Variants in KAZN observed in about 807,000 individuals in gnomAD.
KAZN encodes kazrin, periplakin interacting protein.
In KAZN, 40 loss-of-function variants were observed where a neutral mutation model predicts 87.4. The ratio of observed to expected loss-of-function variants is 0.46; its 90% CI spans 0.36 to 0.60. The LOEUF is 0.60. Ranked by LOEUF, KAZN falls within the 20% of genes least tolerant of loss-of-function variation. The probability of loss-of-function intolerance (pLI) is 0.00; values close to 1 mark genes in which losing one functional copy is unlikely to be tolerated. For missense variants in KAZN, 898 were observed against 1,073.9 expected (o/e 0.84, Z 2.29); for synonymous variants, 466 against 458.3 (o/e 1.02, Z -0.22).
chr1:14,824,278 G>T (rs1186269487), intron 1 of KAZN, among the ~76,000 whole-genome samples: 1 of 152,168 alleles, frequency 6.6e-6, no homozygotes, highest in African/African-American at 2.4e-5. Context: ...AAGAAAGAGA[G>T]CTAGAAAGGG....
rs1455468906 is a variant in KAZN at position 14,773,790 on chromosome 1, G to A, written c.226+174567G>A. Among the ~76,000 whole-genome samples, 1 of 152,142 alleles carries A rather than the reference G, an allele frequency of 6.6e-6. No homozygotes were observed. The highest frequency in any genetic ancestry group is 1.5e-5 in the Non-Finnish European group (1 of 68,024). On this transcript the variant is annotated intron_variant, in intron 1 of 14. Coordinates refer to ENST00000376030, the MANE Select transcript of KAZN (RefSeq NM_201628.3). The surrounding 1 kb of genome is among the most constrained non-coding windows in gnomAD (Gnocchi z 5.9). The stretch of plus-strand genomic sequence containing the variant: ...TCTCTAATGAACTCAGCCTTCCTGG[G>A]AGCTGCGGCAGGTCCCAGCCCAGGC...
intron 2 of KAZN, among the ~76,000 whole-genome samples, chr1:14,417,315 G>C (rs1296008658): frequency 6.6e-6 from 1 of 152,184 alleles, no homozygotes; most frequent in African/African-American, 2.4e-5. Context: ...ATTGCACCAG[G>C]CTACTGAGTG....
chr1:14,281,065 T>G (rs1199581408), intron 2 of KAZN, among the ~76,000 whole-genome samples: 2 of 152,216 alleles, frequency 1.3e-5, no homozygotes, highest in African/African-American at 4.8e-5. Context: ...TTAAGGGGAC[T>G]TGGAACCAGT....
intron 1 of KAZN, among the ~76,000 whole-genome samples, chr1:14,900,433 G>T (rs1655734306): frequency 6.6e-6 from 1 of 152,092 alleles, no homozygotes; most frequent in African/African-American, 2.4e-5. Context: ...ACCCCATAGG[G>T]TCATCAGAAG....
At chr1:13,941,456 G>C (rs1049650291) in intron 1 of KAZN, among the ~76,000 whole-genome samples, 2 of 152,170 alleles carry the variant, frequency 1.3e-5, no homozygotes, top group Non-Finnish European at 2.9e-5. Context: ...GGTTGGACAG[G>C]CCTCCTCTCT....
intron 1 of KAZN, among the ~76,000 whole-genome samples, chr1:14,139,953 G>A (rs765552276): frequency 0.32 from 36,779 of 115,664 alleles, 5,606 homozygotes; most frequent in African/African-American, 0.52. Flanking sequence ...GTGTGTGTGT[G>A]TGTGTGTGTG....
chr1:14,386,046 T>G (rs1571477659), intron 2 of KAZN, among the ~76,000 whole-genome samples: 3 of 152,030 alleles, frequency 2.0e-5, no homozygotes, highest in African/African-American at 2.4e-5. Context: ...CTTGTTGAAT[T>G]GATCCCTTTA....
In KAZN at chr1:14,598,759, C is replaced by G. The variant is rs1381916693; in HGVS notation, c.-239C>G. On this transcript the variant is annotated 5_prime_UTR_variant, in exon 1 of 15. Transcript: ENST00000376030. This position sits in a 1 kb window ranked among gnomAD's most constrained non-coding sequence, Gnocchi z 4.2. ...TGCTCCTCCTCCTCCTTCTCCTCCT[C>G]TTTTTTCTCCTCCGCCTCCTCCCCC... The G allele has an allele frequency of 7.4e-7, 1 of 1,342,790 alleles. No individual in the cohort carries two copies. Among genetic ancestry groups the G allele is most frequent in the East Asian group, 3.1e-5 (1 of 31,774 alleles). 83.2% of individuals were successfully genotyped at this position (1,342,790 alleles called of 1,614,324 possible). A position where few individuals can be genotyped will look rare whatever the true frequency, so the allele number is the denominator to read the frequency against.
chr1:14,745,609 A>G (rs1644243304), intron 1 of KAZN, among the ~76,000 whole-genome samples: 3 of 152,140 alleles, frequency 2.0e-5, no homozygotes, highest in Admixed American at 1.3e-4. Context: ...TCTCGGGGCT[A>G]TACACTTGGC....
intron 1 of KAZN, among the ~76,000 whole-genome samples, chr1:14,649,667 C>G (rs1183794098): frequency 1.3e-5 from 2 of 152,072 alleles, no homozygotes; most frequent in African/African-American, 2.4e-5. Context: ...ACCAACAAAG[C>G]CTGTCAATTA....
rs1553180847 is a variant in KAZN at position 15,050,159 on chromosome 1, G to GGAATAGAATAGAATAGAATAGAATA, written c.727-5893_727-5869dup. ...TCTCAATAGAATAATAGAATAGAAT[G>GGAATAGAATAGAATAGAATAGAATA]GAATAGAATAGAATAGAATAGAATA... On this transcript the variant is annotated intron_variant, in intron 4 of 14. Coordinates refer to ENST00000376030, the MANE Select transcript of KAZN (RefSeq NM_201628.3). Among the ~76,000 whole-genome samples the GGAATAGAATAGAATAGAATAGAATA allele has an allele frequency of 6.5e-4, 86 of 131,326 alleles. 3 individuals carry two copies. Among genetic ancestry groups the GGAATAGAATAGAATAGAATAGAATA allele is most frequent in the Middle Eastern group, 3.7e-3 (1 of 268 alleles). 86.2% of individuals were successfully genotyped at this position (131,326 alleles called of 152,430 possible).
intron 1 of KAZN, among the ~76,000 whole-genome samples, chr1:14,025,156 T>A (rs1481228682): frequency 1.3e-5 from 2 of 152,198 alleles, no homozygotes; most frequent in African/African-American, 4.8e-5. Context: ...ATTTTTTGCA[T>A]CTGAATTTGG....
intron 1 of KAZN, among the ~76,000 whole-genome samples, chr1:14,868,938 T>C (rs1651843619): frequency 6.6e-6 from 1 of 152,162 alleles, no homozygotes; most frequent in Non-Finnish European, 1.5e-5. Flanking sequence ...GGGGTGCATC[T>C]GTTCTACTCG....
At chr1:14,046,123 A>C (rs1277750599) in intron 1 of KAZN, among the ~76,000 whole-genome samples, 1 of 152,212 alleles carries the variant, frequency 6.6e-6, no homozygotes, top group East Asian at 1.9e-4. Flanking sequence ...CAGTTTGATA[A>C]AAAATTTAAT....
At chr1:14,144,007 C>T (rs898111531) in intron 1 of KAZN, among the ~76,000 whole-genome samples, 3 of 152,046 alleles carry the variant, frequency 2.0e-5, no homozygotes, top group African/African-American at 4.8e-5. Flanking sequence ...CATGAGTCAC[C>T]GCACCTGGCC....
At chr1:14,279,776 A>C (rs1174532724) in intron 2 of KAZN, among the ~76,000 whole-genome samples, 1 of 152,194 alleles carries the variant, frequency 6.6e-6, no homozygotes, top group East Asian at 1.9e-4. Context: ...AAAAAGTGAG[A>C]GAGAAGGTTG....
rs1032499568 is a variant in KAZN, at chr1:15,096,822, T to A, written c.1547+1889T>A. ...ACCCCTATGACCTCATCTAATCAGC[T>A]CCCAAAGGCCCCAGCCACAAATACC... On this transcript the variant is annotated intron_variant, in intron 10 of 14. Transcript: ENST00000376030. This position sits in a 1 kb window ranked among gnomAD's most constrained non-coding sequence, Gnocchi z 4.5. Among the ~76,000 whole-genome samples, 4 of 151,952 alleles carry A rather than the reference T, an allele frequency of 2.6e-5. No homozygotes were observed. The highest frequency in any genetic ancestry group is 9.7e-5 in the African/African-American group (4 of 41,334).
At chr1:14,187,760 G>C (rs989776741) in intron 2 of KAZN, among the ~76,000 whole-genome samples, 2 of 152,178 alleles carry the variant, frequency 1.3e-5, no homozygotes, top group African/African-American at 4.8e-5. Context: ...TCAAATGTTA[G>C]GAGTGTCAAG....
intron 1 of KAZN, among the ~76,000 whole-genome samples, chr1:14,867,651 G>A (rs1008329447): frequency 7.9e-5 from 12 of 152,010 alleles, no homozygotes; most frequent in Non-Finnish European, 1.6e-4. Flanking sequence ...AATGACAACA[G>A]CAGTCATCCT....
Sources: gnomAD v4.1 joint callset for allele counts (sites outside exome capture counted in the v4.1 genomes callset) on GRCh38, gnomAD v4.1.1 for gene constraint, Gnocchi (gnomAD v3.1) non-coding constraint, MANE v1.5 for transcripts, NCBI Gene and HGNC (gene_info 2026-07-23, HGNC 2026-07-21) for gene names.